Variants in ENOX1 observed in about 807,000 individuals in gnomAD.
The protein encoded by ENOX1 is ecto-NOX disulfide-thiol exchanger 1.
In ENOX1, 42 loss-of-function variants were observed where a neutral mutation model predicts 82.5. The ratio of observed to expected loss-of-function variants is 0.51; its 90% CI spans 0.40 to 0.66. ENOX1 has a LOEUF of 0.66. Among genes scored for constraint, ENOX1 ranks in the 30% least tolerant of loss-of-function variants. ENOX1 has a pLI of 0.00. For synonymous variants in ENOX1, 271 were observed against 282.2 expected (o/e 0.96, Z 0.40); for missense variants, 608 against 811.6 (o/e 0.75, Z 3.05).
In ENOX1 at chr13:43,742,848, T is replaced by C. The variant is rs2153827753; in HGVS notation, c.-285+43804A>G. Among the ~76,000 whole-genome samples, 3 of 152,320 alleles carry C rather than the reference T, an allele frequency of 2.0e-5. No homozygotes were observed. The South Asian group carries it at 6.2e-4, about 32-fold the overall frequency. On this transcript the variant is annotated intron_variant, in intron 1 of 16. Coordinates refer to ENST00000690772, the MANE Select transcript of ENOX1 (RefSeq NM_001347969.2). Reference sequence around the variant, plus strand: ...TCAGTTGACTCTAATATTTTTGATTTTTCAGTTAGACAAACTGCAATTTTG... The same window carrying C: ...TCAGTTGACTCTAATATTTTTGATTCTTCAGTTAGACAAACTGCAATTTTG...
chr13:43,599,258 G>A (rs1195246417), intron 2 of ENOX1, among the ~76,000 whole-genome samples: 3 of 152,100 alleles, frequency 2.0e-5, no homozygotes, highest in Admixed American at 1.3e-4. Flanking sequence ...AAGAGGCACT[G>A]AAGAGGATAT....
At chr13:43,488,445 G>A (rs1160289052) in intron 2 of ENOX1, among the ~76,000 whole-genome samples, 8 of 152,176 alleles carry the variant, frequency 5.3e-5, no homozygotes, top group Non-Finnish European at 1.5e-5. Flanking sequence ...CCAGGACTGT[G>A]AGAAAATAAA....
intron 3 of ENOX1, among the ~76,000 whole-genome samples, chr13:43,414,726 T>C (rs2054340716): frequency 6.6e-6 from 1 of 152,204 alleles, no homozygotes; most frequent in Non-Finnish European, 1.5e-5. Flanking sequence ...CGTCACTATT[T>C]GTCTTACTTA....
chr13:43,595,234 T>C (rs1440775972), intron 2 of ENOX1, among the ~76,000 whole-genome samples: 1 of 151,674 alleles, frequency 6.6e-6, no homozygotes, highest in African/African-American at 2.4e-5. Flanking sequence ...ATTGAATGAA[T>C]AGAAGTTTGT....
At chr13:43,326,389 T>C (rs750356871) in intron 10 of ENOX1, 30 bp downstream of exon 10, 12 of 1,581,584 alleles carry the variant, frequency 7.6e-6, no homozygotes, top group Non-Finnish European at 1.0e-5. Flanking sequence ...TGTGTGATGG[T>C]GGTTAAAAAG....
intron 2 of ENOX1, among the ~76,000 whole-genome samples, chr13:43,661,409 T>C (rs1314714472): frequency 2.0e-5 from 3 of 152,180 alleles, no homozygotes; most frequent in African/African-American, 7.2e-5. Context: ...GACGGGTGTC[T>C]GGACAAGTCT....
chr13:43,258,658 A>G (rs2043885541), intron 14 of ENOX1, among the ~76,000 whole-genome samples: 1 of 152,090 alleles, frequency 6.6e-6, no homozygotes, highest in Non-Finnish European at 1.5e-5. Flanking sequence ...ACATCTACAG[A>G]TATGGGCCCA....
At chr13:43,293,181 C>T (rs991619367) in intron 12 of ENOX1, among the ~76,000 whole-genome samples, 1 of 152,144 alleles carries the variant, frequency 6.6e-6, no homozygotes. Flanking sequence ...TTACCACCCC[C>T]CTCACAGATG....
At chr13:43,443,084 A>G (rs1309294321) in intron 3 of ENOX1, among the ~76,000 whole-genome samples, 1 of 152,224 alleles carries the variant, frequency 6.6e-6, no homozygotes, top group East Asian at 1.9e-4. Context: ...TATCCTTTTT[A>G]TATAAATATT....
chr13:43,608,867 G>C (rs776338336), intron 2 of ENOX1, among the ~76,000 whole-genome samples: 12 of 152,148 alleles, frequency 7.9e-5, no homozygotes, highest in Non-Finnish European at 1.3e-4. Flanking sequence ...GAGTGTCCAG[G>C]TCTGACCTAA....
At chr13:43,476,090 A>G (rs1157843424) in intron 3 of ENOX1, among the ~76,000 whole-genome samples, 1 of 152,144 alleles carries the variant, frequency 6.6e-6, no homozygotes, top group East Asian at 1.9e-4. Flanking sequence ...GATGATTAAT[A>G]GAAACTTTAA....
intron 1 of ENOX1, among the ~76,000 whole-genome samples, chr13:43,714,662 T>C (rs1173976359): frequency 3.3e-5 from 5 of 152,204 alleles, no homozygotes; most frequent in Non-Finnish European, 5.9e-5. Flanking sequence ...CCTTTACCAT[T>C]ATGTAATGGC....
At chr13:43,300,422 A>G (rs4942201) in intron 11 of ENOX1, among the ~76,000 whole-genome samples, 55,101 of 152,068 alleles carry the variant, frequency 0.36, 10,232 homozygotes, top group East Asian at 0.54. Flanking sequence ...ATCCTATAGG[A>G]GTTCAGAGAA....
chr13:43,471,470 C>T (rs750626915), intron 3 of ENOX1, among the ~76,000 whole-genome samples: 3 of 152,040 alleles, frequency 2.0e-5, no homozygotes, highest in Admixed American at 6.5e-5. Context: ...ATAATGCACA[C>T]GTTCAAGTAT....
chr13:43,627,972 C>T (rs1332200950), intron 2 of ENOX1, among the ~76,000 whole-genome samples: 2 of 152,020 alleles, frequency 1.3e-5, no homozygotes, highest in Non-Finnish European at 1.5e-5. Context: ...AGGAGAAACA[C>T]GCTGTCCTTC....
At chr13:43,543,913 C>CTTTTTTTTTTTTTTTT (rs11324994) in intron 2 of ENOX1, 3 of 97,424 alleles carry the variant, frequency 3.1e-5, no homozygotes, top group Non-Finnish European at 6.1e-5. Flanking sequence ...TTTTCTTTTT[C>CTTTTTTTTTTTTTTTT]TTTTTTTTTT....
chr13:43,656,664 G>T (rs191600335), intron 2 of ENOX1, among the ~76,000 whole-genome samples: 52 of 152,270 alleles, frequency 3.4e-4, no homozygotes, highest in African/African-American at 1.0e-3. Context: ...AAATCAGCAG[G>T]CCCATTAGCT....
chr13:43,745,668 T>C (rs1286114141), intron 1 of ENOX1, among the ~76,000 whole-genome samples: 1 of 152,140 alleles, frequency 6.6e-6, no homozygotes. Context: ...ACCACTGATA[T>C]GGTTTGGCTG....
At chr13:43,463,284 T>C (rs2057572087) in intron 3 of ENOX1, among the ~76,000 whole-genome samples, 2 of 152,104 alleles carry the variant, frequency 1.3e-5, no homozygotes, top group South Asian at 4.1e-4. Flanking sequence ...TATCCAGGAG[T>C]AATTCAAGTT....
Sources: allele counts gnomAD v4.1 joint callset (sites outside exome capture counted in the v4.1 genomes callset), GRCh38; gene constraint gnomAD v4.1.1; transcripts MANE v1.5; gene names NCBI Gene and HGNC (gene_info 2026-07-23, HGNC 2026-07-21).